The following PDGFRL variants were observed in gnomAD, a reference collection of about 807,000 sequenced individuals.
The protein encoded by PDGFRL is platelet-derived growth factor receptor-like protein.
In PDGFRL, 46 loss-of-function variants were observed where a neutral mutation model predicts 37.2. The ratio of observed to expected loss-of-function variants is 1.24; its 90% CI spans 0.98 to 1.58. The LOEUF (loss-of-function observed/expected upper bound fraction) is 1.58, where lower values mean the gene tolerates loss of function less well. Among genes scored for constraint, PDGFRL ranks in the 40% most tolerant of loss-of-function variants. The probability of loss-of-function intolerance (pLI) is 0.00; values close to 1 mark genes in which losing one functional copy is unlikely to be tolerated. For synonymous variants in PDGFRL, 251 were observed against 184.3 expected, an observed-to-expected ratio of 1.36 and a Z score of -2.93; for missense variants, 692 against 467.6, an observed-to-expected ratio of 1.48 and a Z score of -4.43.
At chr8:17,616,393 C>T (rs1804528782) in intron 2 of PDGFRL, among the ~76,000 whole-genome samples, 1 of 152,070 alleles carries the variant, frequency 6.6e-6, no homozygotes, top group African/African-American at 2.4e-5. Context: ...TGCGGTTTCA[C>T]CATGTTGGCC....
intron 4 of PDGFRL, among the ~76,000 whole-genome samples, chr8:17,629,623 G>C (rs1804820861): frequency 6.6e-6 from 1 of 151,984 alleles, no homozygotes; most frequent in Non-Finnish European, 1.5e-5. Context: ...GAACATTTTG[G>C]CACTTGGTTC....
rs1204316427 is a variant in PDGFRL, at chr8:17,642,873, A to G, written c.*72A>G. On this transcript the variant is annotated 3_prime_UTR_variant, in exon 6 of 6. Transcript: ENST00000251630. ...CACAGTCAGCTTTGGGGTTCCTTTT[A>G]TTAGTGCTTTGCCAGAGGCTGATGT... The G allele has an allele frequency of 1.0e-6, 1 of 973,034 alleles. No homozygotes were observed. The highest frequency in any genetic ancestry group is 1.6e-6 in the Non-Finnish European group (1 of 626,586). 60.3% of individuals were successfully genotyped at this position (973,034 alleles called of 1,614,324 possible).
chr8:17,629,969 C>T (rs1585332085), intron 4 of PDGFRL, among the ~76,000 whole-genome samples: 1 of 152,288 alleles, frequency 6.6e-6, no homozygotes, highest in African/African-American at 2.4e-5. Context: ...CCACACCCGG[C>T]ACGCCCTCCT....
At chr8:17,640,809 A>G (rs1404206201) in intron 5 of PDGFRL, among the ~76,000 whole-genome samples, 1 of 152,030 alleles carries the variant, frequency 6.6e-6, no homozygotes, top group East Asian at 1.9e-4. Context: ...AGGGAGGATC[A>G]GGTGGTGGGC....
In PDGFRL at chr8:17,577,219, G is replaced by A. The variant is rs556511048; in HGVS notation, c.-34G>A. ...TGCGTCCCCGCCCCGCGCAGCCGCC[G>A]CGCTCCTGCGCTCCGAGGTCCGAGG... On this transcript the variant is annotated 5_prime_UTR_variant, in exon 1 of 6. Coordinates refer to ENST00000251630, the MANE Select transcript of PDGFRL (RefSeq NM_001372073.1). 28 of 1,602,946 alleles carry A rather than the reference G, an allele frequency of 1.7e-5. No homozygotes were observed. The East Asian group carries it at 6.1e-4, about 35-fold the overall frequency.
chr8:17,621,833 A>G (rs764848955), intron 3 of PDGFRL, among the ~76,000 whole-genome samples: 4 of 151,838 alleles, frequency 2.6e-5, no homozygotes, highest in Non-Finnish European at 5.9e-5. Flanking sequence ...CCTTTTTATT[A>G]TTTTGTTTTT....
intron 5 of PDGFRL, among the ~76,000 whole-genome samples, chr8:17,637,425 G>C (rs558170318): frequency 2.0e-5 from 3 of 152,260 alleles, no homozygotes; most frequent in Admixed American, 6.5e-5. Flanking sequence ...AAACCCATTT[G>C]ATCATGGTGG....
intron 5 of PDGFRL, among the ~76,000 whole-genome samples, chr8:17,636,978 T>C (rs1804982905): frequency 6.6e-6 from 1 of 152,226 alleles, no homozygotes; most frequent in Non-Finnish European, 1.5e-5. Context: ...TCCTGAAACT[T>C]TGCTAAATTC....
chr8:17,619,995 C>G (rs1804599734), intron 2 of PDGFRL, among the ~76,000 whole-genome samples: 1 of 152,166 alleles, frequency 6.6e-6, no homozygotes, highest in Admixed American at 6.5e-5. Flanking sequence ...CAGGGTCTTG[C>G]TCTGTCACCC....
At chr8:17,631,235 G>A (rs191981394) in intron 4 of PDGFRL, among the ~76,000 whole-genome samples, 6 of 152,204 alleles carry the variant, frequency 3.9e-5, no homozygotes, top group Admixed American at 3.3e-4. Context: ...AAGGGAGGAG[G>A]GGAAATAGTT....
intron 1 of PDGFRL, among the ~76,000 whole-genome samples, chr8:17,579,550 A>ATTGTTG (rs749900666): frequency 1.7e-5 from 1 of 57,964 alleles, no homozygotes; most frequent in African/African-American, 5.6e-5. Flanking sequence ...TTATTTTATT[A>ATTGTTG]TTATTGTTAT....
chr8:17,634,684 T>G (rs1051729277), intron 5 of PDGFRL, among the ~76,000 whole-genome samples: 2 of 152,290 alleles, frequency 1.3e-5, no homozygotes, highest in Non-Finnish European at 2.9e-5. Flanking sequence ...CAAATGGAGC[T>G]GGAGGCCATT....
intron 2 of PDGFRL, among the ~76,000 whole-genome samples, chr8:17,608,056 G>A (rs761741835): frequency 4.6e-5 from 7 of 152,164 alleles, no homozygotes; most frequent in South Asian, 4.1e-4. Flanking sequence ...GTCACTTCCC[G>A]TCCTGCATTC....
chr8:17,602,310 A>AGGGACAAGCTGGCAAGT (rs1316366867), intron 2 of PDGFRL, among the ~76,000 whole-genome samples: 1 of 152,160 alleles, frequency 6.6e-6, no homozygotes, highest in Non-Finnish European at 1.5e-5. Flanking sequence ...GGCTGGTCAG[A>AGGGACAAGCTGGCAAGT]GGGACAAGCT....
Position 17,634,055 on chromosome 8 carries a change from G to T in PDGFRL, c.800-19G>T. On this transcript the variant is annotated intron_variant, in intron 4 of 5. Transcript: ENST00000251630. ...TTACACTCGGGGTCTCACTCTGCCT[G>T]TTTCGTGCTTGCTTCCAGTTCCCAG... is the stretch of plus-strand genomic sequence containing the variant. The T allele has an allele frequency of 6.2e-7, 1 of 1,613,574 alleles. No individual in the cohort carries two copies. The highest frequency in any genetic ancestry group is 2.2e-5 in the East Asian group (1 of 44,884).
chr8:17,579,965 T>A (rs1803671357), intron 1 of PDGFRL, among the ~76,000 whole-genome samples: 2 of 152,192 alleles, frequency 1.3e-5, no homozygotes, highest in South Asian at 2.1e-4. Flanking sequence ...CCACCGAGTT[T>A]ATTAATAGGG....
At chr8:17,615,630 T>C (rs937309161) in intron 2 of PDGFRL, among the ~76,000 whole-genome samples, 11 of 152,280 alleles carry the variant, frequency 7.2e-5, no homozygotes, top group Admixed American at 3.3e-4. Context: ...CTAAAGTGTT[T>C]CGAGTCTGGG....
chr8:17,603,127 C>T (rs536602261), intron 2 of PDGFRL, among the ~76,000 whole-genome samples: 5 of 152,128 alleles, frequency 3.3e-5, no homozygotes, highest in African/African-American at 4.8e-5. Flanking sequence ...AGGTTACAGG[C>T]GTGCGCCACC....
At chr8:17,598,519 T>G in intron 2 of PDGFRL, among the ~76,000 whole-genome samples, 1 of 152,220 alleles carries the variant, frequency 6.6e-6, no homozygotes, top group East Asian at 1.9e-4. Context: ...AGTCAGTTCT[T>G]AGTCATTCAT....
Sources: allele counts gnomAD v4.1 joint callset (sites outside exome capture counted in the v4.1 genomes callset), GRCh38; gene constraint gnomAD v4.1.1; transcripts MANE v1.5; gene names NCBI Gene and HGNC (gene_info 2026-07-23, HGNC 2026-07-21).